Variants in VPS8 observed in about 807,000 individuals in gnomAD.
VPS8 encodes the protein vacuolar protein sorting-associated protein 8 homolog.
A neutral mutation model predicts 216.4 loss-of-function variants in VPS8; 129 were observed. That is an observed-to-expected ratio of 0.60 (90% CI 0.52 to 0.69). The LOEUF is 0.69. VPS8 is among the 30% of genes least tolerant of loss of function. The pLI is 0.00. For missense variants in VPS8, 1,531 were observed against 1,683.5 expected, an observed-to-expected ratio of 0.91 and a Z score of 1.59; for synonymous variants, 571 against 565.4, an observed-to-expected ratio of 1.01 and a Z score of -0.14.
chr3:184,986,948 T>C (rs1038812454), intron 42 of VPS8, among the ~76,000 whole-genome samples: 2 of 152,156 alleles, frequency 1.3e-5, no homozygotes, highest in African/African-American at 4.8e-5. Context: ...TTAACTAAAG[T>C]CCATAGTTTA....
intron 22 of VPS8, among the ~76,000 whole-genome samples, chr3:184,894,087 T>C (rs1192807559): frequency 1.3e-5 from 2 of 152,236 alleles, no homozygotes; most frequent in African/African-American, 4.8e-5. Context: ...AAATTGTTTC[T>C]AGGTTTATAT....
intron 44 of VPS8, 93 bp from the exon 45 acceptor site, chr3:184,999,603 A>C: frequency 7.1e-7 from 1 of 1,411,504 alleles, no homozygotes. Context: ...TCTACTTGTT[A>C]GAGATTTTTA....
chr3:184,962,127 C>T (rs13324487), intron 37 of VPS8, among the ~76,000 whole-genome samples: 13,476 of 152,136 alleles, frequency 0.089, 637 homozygotes, highest in African/African-American at 0.094. Flanking sequence ...AATGATCTTA[C>T]GGTAATCTAT....
At chr3:184,885,673 C>A (rs1458794162) in intron 21 of VPS8, among the ~76,000 whole-genome samples, 1 of 152,058 alleles carries the variant, frequency 6.6e-6, no homozygotes, top group African/African-American at 2.4e-5. Flanking sequence ...TGCATATTTT[C>A]ACCTAGTATT....
At chr3:184,874,508 AATC>A (rs1728903483) in intron 21 of VPS8, among the ~76,000 whole-genome samples, 1 of 152,190 alleles carries the variant, frequency 6.6e-6, no homozygotes, top group Non-Finnish European at 1.5e-5. Context: ...GTGCAATCAA[AATC>A]ATCATGAGTT....
Position 185,029,644 on chromosome 3 carries a change from A to C in VPS8, c.4056+5255A>C, listed in dbSNP as rs571965306. Among the ~76,000 whole-genome samples, 3 of 151,256 alleles carry C rather than the reference A, an allele frequency of 2.0e-5. No individual in the cohort carries two copies. In the South Asian group the frequency reaches 6.2e-4, roughly 31 times the overall value. ...CAGTGGTGTGATCTCAGTTCACTGC[A>C]ACCTCCGCCTCCCAGGTTCAAGCAG... On this transcript the variant is annotated intron_variant, in intron 46 of 47. Transcript: ENST00000625842.
Position 184,993,941 on chromosome 3 carries a change from A to G in VPS8, c.3586-42A>G, listed in dbSNP as rs1338500367. 5.6e-6 allele frequency: 8 copies of G among 1,428,228 alleles called. No individual in the cohort carries two copies. In the African/African-American group the frequency reaches 1.2e-4, roughly 21 times the overall value. 88.5% of individuals were successfully genotyped at this position (1,428,228 alleles called of 1,614,324 possible). A position where few individuals can be genotyped will look rare whatever the true frequency, so the allele number is the denominator to read the frequency against. Reference sequence around the variant, plus strand: ...ATAACTTACATTTTAAAGTAATTTTAAAATACAGAATTGTAACAGAATTGT... The same window carrying G: ...ATAACTTACATTTTAAAGTAATTTTGAAATACAGAATTGTAACAGAATTGT... On this transcript the variant is annotated intron_variant, in intron 42 of 47. Transcript: ENST00000625842.
intron 36 of VPS8, among the ~76,000 whole-genome samples, chr3:184,945,644 CA>C (rs1274414183): frequency 6.6e-6 from 1 of 152,160 alleles, no homozygotes; most frequent in African/African-American, 2.4e-5. Context: ...AGGCACTCAA[CA>C]TCCCTCCTCT....
intron 35 of VPS8, among the ~76,000 whole-genome samples, chr3:184,936,830 C>T (rs1330878052): frequency 4.0e-5 from 6 of 151,776 alleles, no homozygotes; most frequent in Non-Finnish European, 8.8e-5. Context: ...CTCCGCCTCC[C>T]GGGTTCAAGC....
At chr3:185,008,921 A>T (rs1754614549) in intron 45 of VPS8, among the ~76,000 whole-genome samples, 1 of 152,248 alleles carries the variant, frequency 6.6e-6, no homozygotes, top group Non-Finnish European at 1.5e-5. Context: ...AAGGGAAAGA[A>T]TAAGGGAGAG....
chr3:185,035,354 C>T (rs1160568712), intron 46 of VPS8, among the ~76,000 whole-genome samples: 1 of 152,020 alleles, frequency 6.6e-6, no homozygotes, highest in East Asian at 1.9e-4. Flanking sequence ...ATGCAAAAAT[C>T]CTCAACAAAA....
At chr3:184,925,085 T>A in intron 30 of VPS8, 104 bp downstream of exon 30, 1 of 1,435,572 alleles carries the variant, frequency 7.0e-7, no homozygotes, top group Non-Finnish European at 9.3e-7. Context: ...GGTAAATACC[T>A]TATCAAGGAG....
rs190162097 is a variant in VPS8 at position 184,963,741 on chromosome 3, G to A, written c.3184-727G>A. ...TATCTAATATTTTACATTAAATATG[G>A]TATTTATCATAGGATTTTGGTAGAT... On this transcript the variant is annotated intron_variant, in intron 37 of 47. Coordinates refer to ENST00000625842, the MANE Select transcript of VPS8 (RefSeq NM_001009921.3). 6.6e-5 allele frequency among the ~76,000 whole-genome samples: 10 copies of A among 152,078 alleles called. No homozygotes were observed. In the East Asian group the frequency reaches 1.7e-3, roughly 26 times the overall value.
chr3:185,024,392 G>T lies in VPS8; in HGVS notation c.4056+3G>T. Reference sequence around the variant, plus strand: ...AAGGGGATCCCACTGCTAAAAAGGTGAGTTTGTTTTAAAGGCAAAAAACCA... The same window carrying T: ...AAGGGGATCCCACTGCTAAAAAGGTTAGTTTGTTTTAAAGGCAAAAAACCA... On this transcript the variant is annotated splice_donor_region_variant and intron_variant, in intron 46 of 47. Coordinates refer to ENST00000625842, the MANE Select transcript of VPS8 (RefSeq NM_001009921.3). 1 of 1,593,798 alleles carries T rather than the reference G, an allele frequency of 6.3e-7. No homozygotes were observed. Among genetic ancestry groups the T allele is most frequent in the Non-Finnish European group, 8.6e-7 (1 of 1,169,170 alleles).
chr3:184,877,802 AAG>A (rs1222047014), intron 21 of VPS8, among the ~76,000 whole-genome samples: 3 of 152,236 alleles, frequency 2.0e-5, no homozygotes, highest in Non-Finnish European at 2.9e-5. Context: ...AGAGAGGACT[AAG>A]TAATTTATGA....
rs546088249 is a variant in VPS8 at position 184,989,896 on chromosome 3, A to AC, written c.3586-4085dup. On this transcript the variant is annotated intron_variant, in intron 42 of 47. Coordinates refer to ENST00000625842, the MANE Select transcript of VPS8 (RefSeq NM_001009921.3). ...GACCATCCTGGCTAACACGGTGAAA[A>AC]CCTGTCTCTACTAAAAATACAAAAA... 4.2e-4 allele frequency among the ~76,000 whole-genome samples: 64 copies of AC among 151,554 alleles called. 2 individuals carry two copies. In the East Asian group the frequency reaches 0.012, roughly 28 times the overall value.
At chr3:184,843,339 C>T (rs1348712410) in intron 8 of VPS8, 94 bp downstream of exon 8, 15 of 947,280 alleles carry the variant, frequency 1.6e-5, no homozygotes, top group Admixed American at 4.1e-5. Context: ...TGTCCTCTTA[C>T]GAAATGCTTA....
At chr3:184,848,122 G>C (rs148911755) in intron 8 of VPS8, among the ~76,000 whole-genome samples, 1 of 152,050 alleles carries the variant, frequency 6.6e-6, no homozygotes, top group Non-Finnish European at 1.5e-5. Flanking sequence ...GTGTTGGCCA[G>C]GCTGGTCTCG....
intron 6 of VPS8, chr3:184,839,373 C>T (rs1721701521): frequency 1.1e-5 from 3 of 275,756 alleles, no homozygotes; most frequent in Admixed American, 1.0e-4. Context: ...GGTTGGGTAG[C>T]ATAAGTGCCT....
Sources: gnomAD v4.1 joint callset for allele counts (sites outside exome capture counted in the v4.1 genomes callset) on GRCh38, gnomAD v4.1.1 for gene constraint, MANE v1.5 for transcripts, NCBI Gene and HGNC (gene_info 2026-07-23, HGNC 2026-07-21) for gene names.